The following FANCD2 variants were observed in gnomAD, a reference collection of about 807,000 sequenced individuals.
FANCD2 encodes the protein FA complementation group D2.
A neutral mutation model predicts 192.3 loss-of-function variants in FANCD2; 131 were observed. That is an observed-to-expected ratio of 0.68 (90% CI 0.59 to 0.79). FANCD2 has a LOEUF of 0.79. Ranked by LOEUF, FANCD2 falls within the 30% of genes least tolerant of loss-of-function variation. The pLI is 0.00. For missense variants in FANCD2, 1,508 were observed against 1,701.6 expected (o/e 0.89, Z 2.00); for synonymous variants, 524 against 612.5 (o/e 0.86, Z 2.13).
At chr3:10,046,096 C>G (rs982547952) in intron 14 of FANCD2, among the ~76,000 whole-genome samples, 3 of 142,062 alleles carry the variant, frequency 2.1e-5, no homozygotes, top group Non-Finnish European at 4.5e-5. Flanking sequence ...CTCTCTCACC[C>G]AGGCTGGAGT....
At chr3:10,063,337 T>C (rs575550451) in intron 20 of FANCD2, among the ~76,000 whole-genome samples, 2 of 152,098 alleles carry the variant, frequency 1.3e-5, no homozygotes, top group South Asian at 4.2e-4. Flanking sequence ...CTCAGGAGGC[T>C]GGGGCAAGAG....
chr3:10,066,803 C>T lies in FANCD2; in HGVS notation c.2386-406C>T, dbSNP rs570230434. ...GCGGTGGCTCAATCTCGGCTCACTG[C>T]AACCTCCGCCTCCCAGGTTCAGGCA... On this transcript the variant is annotated intron_variant, in intron 25 of 43. Transcript: ENST00000675286. 3.3e-5 allele frequency among the ~76,000 whole-genome samples: 5 copies of T among 152,300 alleles called. No individual in the cohort carries two copies. The East Asian group carries it at 5.8e-4, about 18-fold the overall frequency.
At chr3:10,096,680 C>G (rs1694985620) in intron 42 of FANCD2, among the ~76,000 whole-genome samples, 1 of 152,098 alleles carries the variant, frequency 6.6e-6, no homozygotes, top group Non-Finnish European at 1.5e-5. Flanking sequence ...CAGCAAGGCA[C>G]CAAAACATGC....
chr3:10,097,600 G>C (rs2125098356), intron 42 of FANCD2, among the ~76,000 whole-genome samples: 1 of 152,212 alleles, frequency 6.6e-6, no homozygotes, highest in East Asian at 1.9e-4. Context: ...TTACCCTGTT[G>C]TTTTTTCAGG....
At chr3:10,056,923 T>G (rs983255717) in intron 18 of FANCD2, among the ~76,000 whole-genome samples, 5 of 152,078 alleles carry the variant, frequency 3.3e-5, no homozygotes, top group African/African-American at 1.2e-4. Flanking sequence ...GGTGTTATCT[T>G]GGCTTACTGC....
At chr3:10,031,956 C>G (rs1001248822) in intron 2 of FANCD2, among the ~76,000 whole-genome samples, 1 of 152,092 alleles carries the variant, frequency 6.6e-6, no homozygotes, top group Non-Finnish European at 1.5e-5. Flanking sequence ...AAGTGATTCT[C>G]CTCCTCAGCC....
chr3:10,062,113 G>A (rs1320214071), intron 19 of FANCD2, 38 bp from the exon 20 acceptor site: 1 of 1,485,172 alleles, frequency 6.7e-7, no homozygotes, highest in Middle Eastern at 2.0e-4. Context: ...AAAACTTAAA[G>A]TATAATAATA....
chr3:10,084,219 C>G (rs1347865508), intron 32 of FANCD2, among the ~76,000 whole-genome samples: 2 of 150,912 alleles, frequency 1.3e-5, no homozygotes, highest in Admixed American at 1.3e-4. Context: ...GTCTTGAACT[C>G]CTGACCCCGT....
rs1280908436 is a variant in FANCD2, at chr3:10,089,100, CAT to C, written c.3683+152_3683+153del. ...GGAGTTTTGAGACCCACTTGGCCAA[CAT>C]AGTGAAACCCTGTCCCTACTAAAAA... On this transcript the variant is annotated intron_variant, in intron 36 of 43. Coordinates refer to ENST00000675286, the MANE Select transcript of FANCD2 (RefSeq NM_001018115.3). 3 of 845,390 alleles carry C rather than the reference CAT, an allele frequency of 3.5e-6. No individual in the cohort carries two copies. The Middle Eastern group carries it at 1.0e-3, about 292-fold the overall frequency. 52.4% of individuals were successfully genotyped at this position (845,390 alleles called of 1,614,324 possible).
At chr3:10,067,120 A>G (rs2087742784) in intron 25 of FANCD2, 89 bp from the exon 26 acceptor site, 6 of 869,146 alleles carry the variant, frequency 6.9e-6, no homozygotes, top group Non-Finnish European at 1.1e-5. Context: ...CTTGCTTTTC[A>G]TAGACATCTC....
intron 15 of FANCD2, among the ~76,000 whole-genome samples, 187 bp downstream of exon 15, chr3:10,046,910 C>G (rs2087032531): frequency 1.3e-5 from 2 of 152,296 alleles, no homozygotes; most frequent in African/African-American, 4.8e-5. Context: ...CTTCCGTATC[C>G]TATTTAAGTA....
intron 40 of FANCD2, chr3:10,094,964 A>G (rs1220214992): frequency 7.4e-6 from 4 of 543,200 alleles, no homozygotes; most frequent in African/African-American, 1.9e-5. Context: ...TAACCTATGT[A>G]AAACTAAAAT....
At chr3:10,046,875 C>T in intron 15 of FANCD2, 152 bp downstream of exon 15, 1 of 730,544 alleles carries the variant, frequency 1.4e-6, no homozygotes, top group Non-Finnish European at 2.3e-6. Context: ...TATCTCAATG[C>T]AGTTTGCAAC....
intron 32 of FANCD2, 45 bp downstream of exon 32, chr3:10,081,509 T>C (rs752630158): frequency 7.7e-7 from 1 of 1,303,012 alleles, no homozygotes; most frequent in Admixed American, 1.7e-5. Flanking sequence ...TATACTTGCT[T>C]TTATTTGACA....
At chr3:10,044,571 T>C (rs941690107) in intron 14 of FANCD2, among the ~76,000 whole-genome samples, 1 of 151,946 alleles carries the variant, frequency 6.6e-6, no homozygotes, top group Non-Finnish European at 1.5e-5. Flanking sequence ...TGGGCGACAG[T>C]GCAAGACTCC....
At chr3:10,056,313 T>C (rs140253553) in intron 18 of FANCD2, among the ~76,000 whole-genome samples, 1,780 of 152,256 alleles carry the variant, frequency 0.012, 30 homozygotes, top group Non-Finnish European at 0.018. Flanking sequence ...AGTCCCTGTT[T>C]TCAGTTTTTT....
chr3:10,095,483 C>A, intron 41 of FANCD2: 1 of 598,450 alleles, frequency 1.7e-6, no homozygotes, highest in South Asian at 2.0e-5. Flanking sequence ...TTGATTCAAA[C>A]TCCAAAGCTC....
At chr3:10,065,127 A>G (rs1466834898) in intron 23 of FANCD2, among the ~76,000 whole-genome samples, 1 of 152,300 alleles carries the variant, frequency 6.6e-6, no homozygotes, top group Non-Finnish European at 1.5e-5. Context: ...TGTCTCTACT[A>G]AAAATACAAA....
chr3:10,066,037 TTC>T lies in FANCD2; in HGVS notation c.2385+60_2385+61del, dbSNP rs1392593150. ...GTGCATAGTTTTTCTCAAAACTATT[TTC>T]TTAGTTCCCACAAGACTCCCTAGAA... On this transcript the variant is annotated intron_variant, in intron 25 of 43. Transcript: ENST00000675286. 3 of 1,128,198 alleles carry T rather than the reference TTC, an allele frequency of 2.7e-6. No individual in the cohort carries two copies. In the East Asian group the frequency reaches 7.2e-5, roughly 27 times the overall value. The allele number at this position is 1,128,198 out of a possible 1,614,324, so 69.9% of individuals were successfully genotyped here. A position where few individuals can be genotyped will look rare whatever the true frequency, so the allele number is the denominator to read the frequency against.
Sources: allele counts gnomAD v4.1 joint callset (sites outside exome capture counted in the v4.1 genomes callset), GRCh38; gene constraint gnomAD v4.1.1; transcripts MANE v1.5; gene names NCBI Gene and HGNC (gene_info 2026-07-23, HGNC 2026-07-21).